The following LARP4B variants were observed in gnomAD, a reference collection of about 807,000 sequenced individuals.
LARP4B encodes the protein la-related protein 4B.
In LARP4B, 12 loss-of-function variants were observed where a neutral mutation model predicts 89.8. The ratio of observed to expected loss-of-function variants is 0.13; its 90% CI spans 0.09 to 0.22. The LOEUF (loss-of-function observed/expected upper bound fraction) is 0.22. Ranked by LOEUF, LARP4B falls within the 10% of genes least tolerant of loss-of-function variation. The pLI, the probability that LARP4B is intolerant of heterozygous loss-of-function variation, is 1.00. For missense variants in LARP4B, 757 were observed against 947.7 expected, an observed-to-expected ratio of 0.80 and a Z score of 2.64; for synonymous variants, 367 against 363.3, an observed-to-expected ratio of 1.01 and a Z score of -0.12.
intron 3 of LARP4B, among the ~76,000 whole-genome samples, chr10:879,142 G>A (rs775105138): frequency 1.3e-5 from 2 of 152,176 alleles, no homozygotes; most frequent in African/African-American, 4.8e-5. Context: ...AAAAGATCAC[G>A]GGTATGTGTT....
intron 1 of LARP4B, among the ~76,000 whole-genome samples, chr10:908,436 C>G (rs1018242047): frequency 2.6e-5 from 4 of 152,098 alleles, no homozygotes; most frequent in African/African-American, 9.7e-5. Flanking sequence ...GTAATGGAAC[C>G]CAAAGAGGGG....
At chr10:815,408 A>C (rs1831986606) in intron 15 of LARP4B, 1 of 179,072 alleles carries the variant, frequency 5.6e-6, no homozygotes, top group Non-Finnish European at 1.2e-5. Flanking sequence ...GCACGGCACA[A>C]CACCACATGC....
intron 9 of LARP4B, among the ~76,000 whole-genome samples, chr10:830,204 T>C (rs1453445791): frequency 6.6e-6 from 1 of 152,156 alleles, no homozygotes; most frequent in African/African-American, 2.4e-5. Flanking sequence ...TATAAAACTG[T>C]GAAGGCCCTG....
the LARP4B span, among the ~76,000 whole-genome samples, chr10:945,551 G>A: frequency 9.9e-5 from 15 of 152,024 alleles, no homozygotes; most frequent in African/African-American, 3.4e-4. Context: ...AGCCGGGCAT[G>A]GTGGCGGGCG....
chr10:869,511 G>T (rs1458381518), intron 3 of LARP4B, among the ~76,000 whole-genome samples: 1 of 152,206 alleles, frequency 6.6e-6, no homozygotes, highest in African/African-American at 2.4e-5. Flanking sequence ...AATCATTAAT[G>T]TTATAGTAAT....
In LARP4B at chr10:874,933, C is replaced by T. The variant is rs75784153; in HGVS notation, c.141+9514G>A. Among the ~76,000 whole-genome samples, 954 of 152,208 alleles carry T rather than the reference C, an allele frequency of 6.3e-3. 13 individuals are homozygous for T. Among genetic ancestry groups the T allele is most frequent in the African/African-American group, 0.022 (897 of 41,514 alleles). On this transcript the variant is annotated intron_variant, in intron 3 of 17. Transcript: ENST00000316157. ...ACATCTATGCATCCATTTTGTCACA[C>T]GTCTTAATTTGCACCCTTAACAACC...
At chr10:929,421 C>T (rs767895783) in intron 1 of LARP4B, among the ~76,000 whole-genome samples, 4 of 152,094 alleles carry the variant, frequency 2.6e-5, no homozygotes, top group Non-Finnish European at 5.9e-5. Flanking sequence ...ATGCTGAAAC[C>T]CCGTCTCTAC....
chr10:938,531 G>T, the LARP4B span, among the ~76,000 whole-genome samples: 16 of 152,202 alleles, frequency 1.1e-4, no homozygotes, highest in Admixed American at 8.5e-4. Context: ...GGGATTACAG[G>T]CGTGAGCCAC....
the LARP4B span, among the ~76,000 whole-genome samples, chr10:981,500 A>G: frequency 0.12 from 18,962 of 152,230 alleles, 1,512 homozygotes; most frequent in Non-Finnish European, 0.18. Flanking sequence ...TCCAAACTAT[A>G]TCACTAAGTA....
At chr10:960,006 C>T in the LARP4B span, among the ~76,000 whole-genome samples, 2 of 152,052 alleles carry the variant, frequency 1.3e-5, no homozygotes, top group African/African-American at 4.8e-5. Context: ...GGGCATTCTT[C>T]ATTGTGAAAT....
the LARP4B span, among the ~76,000 whole-genome samples, chr10:981,143 A>T: frequency 6.6e-6 from 1 of 152,232 alleles, no homozygotes; most frequent in African/African-American, 2.4e-5. Flanking sequence ...AGGCATAACA[A>T]GGGTGACTTT....
chr10:851,612 A>G (rs533289442), intron 5 of LARP4B, among the ~76,000 whole-genome samples: 5 of 152,344 alleles, frequency 3.3e-5, no homozygotes, highest in African/African-American at 9.6e-5. Context: ...TTCACAGGTG[A>G]TAACAGAGTA....
intron 1 of LARP4B, among the ~76,000 whole-genome samples, chr10:901,426 G>A (rs1269036395): frequency 1.3e-5 from 2 of 152,200 alleles, no homozygotes; most frequent in Non-Finnish European, 2.9e-5. Flanking sequence ...AATAATGTGA[G>A]AGCACCTTAG....
In LARP4B at chr10:912,825, C is replaced by T. The variant is rs184671490; in HGVS notation, c.-40+18603G>A. On this transcript the variant is annotated intron_variant, in intron 1 of 17. Transcript: ENST00000316157. Reference sequence around the variant, plus strand: ...CCTGGGAGGCAGAGGTTGCAGAGGTCACTGCACTCCAACCTGAATGGCAGT... The same window carrying T: ...CCTGGGAGGCAGAGGTTGCAGAGGTTACTGCACTCCAACCTGAATGGCAGT... Among the ~76,000 whole-genome samples, 273 of 152,120 alleles carry T rather than the reference C, an allele frequency of 1.8e-3. 1 individual carries two copies. Among genetic ancestry groups the T allele is most frequent in the African/African-American group, 6.5e-3 (268 of 41,500 alleles).
At chr10:984,903 G>A in the LARP4B span, among the ~76,000 whole-genome samples, 1 of 152,270 alleles carries the variant, frequency 6.6e-6, no homozygotes, top group East Asian at 1.9e-4. Flanking sequence ...TTGCACTCCA[G>A]CCTAGGCGAC....
intron 2 of LARP4B, among the ~76,000 whole-genome samples, chr10:885,428 T>C (rs1036179234): frequency 6.6e-6 from 1 of 152,220 alleles, no homozygotes; most frequent in Admixed American, 6.5e-5. Context: ...ATGTGTATGC[T>C]TTTCTCTTGT....
intron 1 of LARP4B, among the ~76,000 whole-genome samples, chr10:897,203 G>A (rs777645002): frequency 2.0e-5 from 3 of 152,100 alleles, no homozygotes; most frequent in Admixed American, 6.6e-5. Flanking sequence ...CAATAGAAAC[G>A]AGAGTCCAGA....
chr10:867,298 G>A (rs200241156), intron 3 of LARP4B, among the ~76,000 whole-genome samples: 2 of 152,286 alleles, frequency 1.3e-5, no homozygotes, highest in East Asian at 3.9e-4. Context: ...ATCAGAACAA[G>A]TCTTGGAGGT....
intron 3 of LARP4B, among the ~76,000 whole-genome samples, chr10:880,848 C>T (rs933818564): frequency 2.6e-5 from 4 of 152,210 alleles, no homozygotes; most frequent in Admixed American, 6.5e-5. Context: ...GGTAATTTAA[C>T]ATAAACACTT....
Sources: allele counts gnomAD v4.1 joint callset (sites outside exome capture counted in the v4.1 genomes callset), GRCh38; gene constraint gnomAD v4.1.1; transcripts MANE v1.5; gene names NCBI Gene and HGNC (gene_info 2026-07-23, HGNC 2026-07-21).